PIP5K1B: variants seen among roughly 807,000 people sequenced by gnomAD.
The protein encoded by PIP5K1B is phosphatidylinositol-4-phosphate 5-kinase type 1 beta.
Under a neutral mutation model 67.0 loss-of-function variants are expected in PIP5K1B, and 42 were observed. That is an observed-to-expected ratio of 0.63 (90% CI 0.49 to 0.81). PIP5K1B has a LOEUF of 0.81. Among genes scored for constraint, PIP5K1B ranks in the 30% least tolerant of loss-of-function variants. The pLI is 0.00. For missense variants in PIP5K1B, 459 were observed against 646.3 expected, an observed-to-expected ratio of 0.71 and a Z score of 3.14; for synonymous variants, 214 against 231.4, an observed-to-expected ratio of 0.92 and a Z score of 0.68.
At chr9:68,886,004 A>G (rs543907547) in intron 6 of PIP5K1B, among the ~76,000 whole-genome samples, 1 of 152,106 alleles carries the variant, frequency 6.6e-6, no homozygotes, top group East Asian at 1.9e-4. Flanking sequence ...ATGCGGTGAA[A>G]CCCCATCTCT....
At chr9:68,729,201 G>T (rs926243301) in intron 1 of PIP5K1B, among the ~76,000 whole-genome samples, 3 of 152,108 alleles carry the variant, frequency 2.0e-5, no homozygotes, top group Admixed American at 6.5e-5. Flanking sequence ...TTGAAGAAAG[G>T]TTTAACAAGA....
chr9:68,932,968 C>T (rs1046247499), intron 12 of PIP5K1B, among the ~76,000 whole-genome samples: 23 of 152,034 alleles, frequency 1.5e-4, no homozygotes, highest in South Asian at 8.3e-4. Flanking sequence ...GGCATGGTGG[C>T]GCATGCCTGT....
intron 15 of PIP5K1B, among the ~76,000 whole-genome samples, chr9:68,996,848 C>T (rs867207435): frequency 2.4e-4 from 36 of 152,268 alleles, no homozygotes; most frequent in Middle Eastern, 6.8e-3. Context: ...TGAAAGATGG[C>T]TGCCAGAAAA....
At chr9:68,865,540 G>A (rs548118600) in intron 5 of PIP5K1B, among the ~76,000 whole-genome samples, 2 of 152,292 alleles carry the variant, frequency 1.3e-5, no homozygotes, top group South Asian at 2.1e-4. Context: ...TGGAGACAGT[G>A]AGCTCAGGGT....
At chr9:68,912,880 A>G (rs192957321) in intron 8 of PIP5K1B, among the ~76,000 whole-genome samples, 28 of 152,342 alleles carry the variant, frequency 1.8e-4, no homozygotes, top group African/African-American at 6.5e-4. Context: ...GGCAATGCCT[A>G]TGATTCTGAG....
chr9:68,918,175 C>T (rs1383745914), intron 9 of PIP5K1B, among the ~76,000 whole-genome samples: 2 of 151,574 alleles, frequency 1.3e-5, no homozygotes, highest in African/African-American at 4.8e-5. Flanking sequence ...CTGCAACCTC[C>T]ACCTCCCAGG....
chr9:68,790,942 G>A (rs1487112989), intron 2 of PIP5K1B, among the ~76,000 whole-genome samples: 3 of 152,172 alleles, frequency 2.0e-5, no homozygotes, highest in Non-Finnish European at 4.4e-5. Flanking sequence ...TACTCGGGGA[G>A]ATGTAAAAAA....
At chr9:68,797,005 A>C (rs1832329347) in intron 2 of PIP5K1B, among the ~76,000 whole-genome samples, 2 of 152,236 alleles carry the variant, frequency 1.3e-5, no homozygotes. Context: ...TTAGGGTTAT[A>C]AAATATGGTG....
chr9:68,992,057 C>T (rs564722482), intron 15 of PIP5K1B, among the ~76,000 whole-genome samples: 2 of 152,262 alleles, frequency 1.3e-5, no homozygotes, highest in Admixed American at 6.5e-5. Context: ...CCTCCGCCTC[C>T]CAGGTTCAAG....
At position 68,919,675 on chromosome 9, in the gene PIP5K1B, A is replaced by G. The variant is rs777771787; in HGVS notation, c.1068-6A>G. On this transcript the variant is annotated splice_polypyrimidine_tract_variant and splice_region_variant and intron_variant, in intron 10 of 15. Transcript: ENST00000265382. Reference sequence around the variant, plus strand: ...TTCTCATTTCAATTTTTCCATTTATATTTAGGTTAATGAAGAAGTTAGAAC... The same window carrying G: ...TTCTCATTTCAATTTTTCCATTTATGTTTAGGTTAATGAAGAAGTTAGAAC... 5.2e-6 allele frequency: 8 copies of G among 1,536,744 alleles called. No individual in the cohort carries two copies. Among genetic ancestry groups the G allele is most frequent in the African/African-American group, 1.4e-5 (1 of 73,390 alleles).
intron 1 of PIP5K1B, among the ~76,000 whole-genome samples, chr9:68,723,097 G>A (rs1189296818): frequency 2.0e-5 from 3 of 151,908 alleles, no homozygotes; most frequent in Non-Finnish European, 4.4e-5. Context: ...ATGACTTCCG[G>A]TTTCCACCAT....
chr9:68,793,103 A>T (rs1023558971), intron 2 of PIP5K1B, among the ~76,000 whole-genome samples: 2 of 151,784 alleles, frequency 1.3e-5, no homozygotes, highest in Non-Finnish European at 2.9e-5. Context: ...ATACACATAT[A>T]GTGTATGTGT....
chr9:68,964,814 C>A (rs1037675764), intron 14 of PIP5K1B, among the ~76,000 whole-genome samples: 14 of 152,190 alleles, frequency 9.2e-5, no homozygotes, highest in Admixed American at 7.2e-4. Flanking sequence ...TCCTTGTAAA[C>A]GCTGCAATTC....
chr9:68,998,061 T>G (rs994687287), intron 15 of PIP5K1B, among the ~76,000 whole-genome samples: 44 of 150,910 alleles, frequency 2.9e-4, no homozygotes, highest in African/African-American at 9.8e-4. Context: ...TCTTTTTTTC[T>G]TTTTTCTTTT....
chr9:68,850,743 A>G (rs923864250), intron 4 of PIP5K1B, among the ~76,000 whole-genome samples: 4 of 152,236 alleles, frequency 2.6e-5, no homozygotes, highest in African/African-American at 9.6e-5. Context: ...TGAAAAGTCA[A>G]TCCTGTCTTA....
intron 3 of PIP5K1B, 58 bp downstream of exon 3, chr9:68,818,603 T>TA (rs1428017582): frequency 6.6e-6 from 1 of 152,602 alleles, no homozygotes; most frequent in Non-Finnish European, 1.5e-5. Flanking sequence ...ATAGAGCCCT[T>TA]ACCTTTTTAT....
chr9:68,779,996 CCGCGAGTACGGACATCGCGAGCGCCTG>C, intron 2 of PIP5K1B: 5 of 883,362 alleles, frequency 5.7e-6, no homozygotes, highest in Non-Finnish European at 7.9e-6. Flanking sequence ...TAAGCAGGCG[CCGCGAGTACGGACATCGCGAGCGCCTG>C]CGCGAAGGGC....
chr9:68,805,335 G>A (rs1010554899), intron 2 of PIP5K1B, among the ~76,000 whole-genome samples: 2 of 152,176 alleles, frequency 1.3e-5, no homozygotes, highest in African/African-American at 4.8e-5. Flanking sequence ...AGTTTCTTCT[G>A]TAGCCACGAG....
chr9:68,780,356 G>C (rs1030451799), intron 2 of PIP5K1B: 24 of 1,612,084 alleles, frequency 1.5e-5, no homozygotes, highest in South Asian at 5.5e-5. Flanking sequence ...ACAGCACAAC[G>C]TTCCCGAGCC....
Sources: allele counts gnomAD v4.1 joint callset (sites outside exome capture counted in the v4.1 genomes callset), GRCh38; gene constraint gnomAD v4.1.1; transcripts MANE v1.5; gene names NCBI Gene and HGNC (gene_info 2026-07-23, HGNC 2026-07-21).